Variants in CNTNAP2 observed in about 807,000 individuals in gnomAD.
CNTNAP2 encodes the protein contactin-associated protein-like 2.
In CNTNAP2, 98 loss-of-function variants were observed where a neutral mutation model predicts 155.2. The ratio of observed to expected loss-of-function variants is 0.63; its 90% CI spans 0.54 to 0.75. CNTNAP2 has a LOEUF of 0.75. Among genes scored for constraint, CNTNAP2 ranks in the 30% least tolerant of loss-of-function variants. The pLI is 0.00. For synonymous variants in CNTNAP2, 651 were observed against 631.2 expected (o/e 1.03, Z -0.47); for missense variants, 1,727 against 1,688.1 (o/e 1.02, Z -0.40).
intron 1 of CNTNAP2, among the ~76,000 whole-genome samples, chr7:146,720,125 CA>C (rs922306327): frequency 3.0e-4 from 42 of 142,292 alleles, no homozygotes; most frequent in African/African-American, 1.3e-3. Context: ...TACATTCATA[CA>C]AAACTTTTTT....
At chr7:147,847,425 C>G (rs1205567287) in intron 13 of CNTNAP2, among the ~76,000 whole-genome samples, 2,288 of 110,498 alleles carry the variant, frequency 0.021, 131 homozygotes, top group African/African-American at 0.08. Context: ...ACGTAGTTCT[C>G]GAGCCTTGGT....
At chr7:146,208,125 GACTTATTT>G (rs1419376311) in intron 1 of CNTNAP2, among the ~76,000 whole-genome samples, 2 of 151,914 alleles carry the variant, frequency 1.3e-5, no homozygotes, top group South Asian at 2.1e-4. Context: ...GACTTTAGCA[GACTTATTT>G]ACTTATTTAT....
rs985538840 is a variant in CNTNAP2 at position 148,283,351 on chromosome 7, A to G, written c.3475+16225A>G. Among the ~76,000 whole-genome samples the G allele has an allele frequency of 5.4e-5, 8 of 148,636 alleles. 2 individuals are homozygous for G. Among genetic ancestry groups the G allele is most frequent in the Admixed American group, 2.7e-4 (4 of 14,948 alleles). On this transcript the variant is annotated intron_variant, in intron 21 of 23. Transcript: ENST00000361727. ...AAGAAAGAATTCTTATTATTATAACATTCCAAAGTATTCCAGAAGGCATGG... is the reference window on the plus strand; with the variant it reads ...AAGAAAGAATTCTTATTATTATAACGTTCCAAAGTATTCCAGAAGGCATGG...
intron 13 of CNTNAP2, among the ~76,000 whole-genome samples, chr7:147,731,861 G>T (rs1796745225): frequency 6.6e-6 from 1 of 152,110 alleles, no homozygotes; most frequent in African/African-American, 2.4e-5. Flanking sequence ...AACCCTTATG[G>T]ATGACTTCGA....
chr7:147,585,869 A>G (rs1249783768), intron 12 of CNTNAP2, among the ~76,000 whole-genome samples: 1 of 152,082 alleles, frequency 6.6e-6, no homozygotes. Flanking sequence ...TCAGTAAAAT[A>G]TTTGAAAAGT....
chr7:147,854,905 C>T (rs758931789), intron 13 of CNTNAP2, among the ~76,000 whole-genome samples: 3 of 151,936 alleles, frequency 2.0e-5, no homozygotes, highest in Non-Finnish European at 4.4e-5. Flanking sequence ...GAGATATGCT[C>T]TCAGTACAAA....
At chr7:147,897,537 A>C (rs1390802712) in intron 13 of CNTNAP2, among the ~76,000 whole-genome samples, 1 of 152,170 alleles carries the variant, frequency 6.6e-6, no homozygotes, top group African/African-American at 2.4e-5. Context: ...AATGCAATGC[A>C]AAAAATGAAT....
intron 15 of CNTNAP2, among the ~76,000 whole-genome samples, chr7:148,117,338 A>G (rs1804494659): frequency 6.6e-6 from 1 of 152,210 alleles, no homozygotes; most frequent in South Asian, 2.1e-4. Flanking sequence ...GGAAGTAGGA[A>G]GGGAAGAGAA....
At chr7:146,138,975 G>A (rs1420211855) in intron 1 of CNTNAP2, among the ~76,000 whole-genome samples, 3 of 152,178 alleles carry the variant, frequency 2.0e-5, no homozygotes, top group East Asian at 3.9e-4. Context: ...TAGTTAAGTC[G>A]AAAATGCATT....
chr7:147,595,898 G>C (rs1800818292), intron 12 of CNTNAP2, among the ~76,000 whole-genome samples: 1 of 152,152 alleles, frequency 6.6e-6, no homozygotes, highest in Admixed American at 6.5e-5. Context: ...TCTAAAAGTT[G>C]GAGTTCCTGA....
rs897881868 is a variant in CNTNAP2, at chr7:146,148,231, T to A, written c.97+31258T>A. ...AAGACGATGATCATGCTAATTAAGC[T>A]ACTTTATTAGATTTTGATGGATTTT... On this transcript the variant is annotated intron_variant, in intron 1 of 23. Transcript: ENST00000361727. Among the ~76,000 whole-genome samples the A allele has an allele frequency of 9.9e-5, 15 of 152,240 alleles. No individual in the cohort carries two copies. The East Asian group carries it at 1.5e-3, about 16-fold the overall frequency.
chr7:147,143,066 G>A (rs1011494746), intron 8 of CNTNAP2, among the ~76,000 whole-genome samples: 1 of 151,938 alleles, frequency 6.6e-6, no homozygotes, highest in African/African-American at 2.4e-5. Flanking sequence ...CTACTATTAT[G>A]TCTCCCTCAT....
In CNTNAP2 at chr7:147,244,206, A is replaced by G. The variant is rs567341508; in HGVS notation, c.1349-55935A>G. On this transcript the variant is annotated intron_variant, in intron 8 of 23. Transcript: ENST00000361727. Reference sequence around the variant, plus strand: ...TTTCAAATATACAAAGTTATCTGATACACACAGGAACCCAACCTACTCTCC... The same window carrying G: ...TTTCAAATATACAAAGTTATCTGATGCACACAGGAACCCAACCTACTCTCC... Among the ~76,000 whole-genome samples, 12 of 152,282 alleles carry G rather than the reference A, an allele frequency of 7.9e-5. No individual in the cohort carries two copies. The South Asian group carries it at 2.5e-3, about 32-fold the overall frequency.
At chr7:147,772,841 G>T (rs978475968) in intron 13 of CNTNAP2, among the ~76,000 whole-genome samples, 1 of 151,924 alleles carries the variant, frequency 6.6e-6, no homozygotes, top group Non-Finnish European at 1.5e-5. Context: ...AAACTCCAAC[G>T]GTTCTCACAC....
chr7:146,945,897 A>C (rs10242195), intron 3 of CNTNAP2, among the ~76,000 whole-genome samples: 56,187 of 151,962 alleles, frequency 0.37, 10,928 homozygotes, highest in Middle Eastern at 0.43. Flanking sequence ...TTGAACAATC[A>C]TCACAACACT....
At chr7:148,343,607 C>G (rs1156553179) in intron 21 of CNTNAP2, among the ~76,000 whole-genome samples, 1 of 152,176 alleles carries the variant, frequency 6.6e-6, no homozygotes, top group Non-Finnish European at 1.5e-5. Context: ...TGTGACTGAT[C>G]AGTAATTGTC....
chr7:146,398,411 A>C (rs1308103101), intron 1 of CNTNAP2, among the ~76,000 whole-genome samples: 3 of 151,850 alleles, frequency 2.0e-5, no homozygotes, highest in African/African-American at 4.8e-5. Flanking sequence ...AAACCATCAG[A>C]TCTCATGAGA....
At chr7:148,173,058 G>T (rs943975362) in intron 18 of CNTNAP2, among the ~76,000 whole-genome samples, 1 of 152,180 alleles carries the variant, frequency 6.6e-6, no homozygotes, top group Non-Finnish European at 1.5e-5. Context: ...ACATTTAATT[G>T]GTCAGCTTAG....
intron 10 of CNTNAP2, among the ~76,000 whole-genome samples, chr7:147,399,442 T>TGAGG (rs771580748): frequency 3.3e-5 from 5 of 152,132 alleles, no homozygotes; most frequent in Non-Finnish European, 7.3e-5. Context: ...ATTCTGAATA[T>TGAGG]ATTTTGGAGG....
Sources: allele counts gnomAD v4.1 joint callset (sites outside exome capture counted in the v4.1 genomes callset), GRCh38; gene constraint gnomAD v4.1.1; transcripts MANE v1.5; gene names NCBI Gene and HGNC (gene_info 2026-07-23, HGNC 2026-07-21).